The following HMGN1 variants were observed in gnomAD, a reference collection of about 807,000 sequenced individuals.
The protein encoded by HMGN1 is high mobility group nucleosome binding domain 1.
Under a neutral mutation model 18.4 loss-of-function variants are expected in HMGN1, and 9 were observed. That is an observed-to-expected ratio of 0.49 (90% CI 0.29 to 0.85). The LOEUF (loss-of-function observed/expected upper bound fraction) is 0.85, where lower values mean the gene tolerates loss of function less well. Ranked by LOEUF, HMGN1 falls within the 40% of genes least tolerant of loss-of-function variation. The probability of loss-of-function intolerance (pLI) is 0.07; values close to 1 mark genes in which losing one functional copy is unlikely to be tolerated. For missense variants in HMGN1, 151 were observed against 119.2 expected, an observed-to-expected ratio of 1.27 and a Z score of -1.24; for synonymous variants, 59 against 45.0, an observed-to-expected ratio of 1.31 and a Z score of -1.24.
At chr21:39,347,591 T>C (rs1362873959) in intron 4 of HMGN1, 1 of 459,486 alleles carries the variant, frequency 2.2e-6, no homozygotes, top group Non-Finnish European at 4.3e-6. Flanking sequence ...GAAGAACATG[T>C]AGAGCTTTAC....
Position 39,342,394 on chromosome 21 carries a change from G to GAAA in HMGN1, c.*715_*717dup, listed in dbSNP as rs1569001101. ...GTACACAAATCTTAACATACGTAAC[G>GAAA]AAATTCTAAAAAGCCATGTATTGTA... is the stretch of plus-strand genomic sequence containing the variant. On this transcript the variant is annotated 3_prime_UTR_variant, in exon 6 of 6. Coordinates refer to ENST00000380749, the MANE Select transcript of HMGN1 (RefSeq NM_004965.7). The GAAA allele has an allele frequency of 5.7e-6, 1 of 176,988 alleles. No individual in the cohort carries two copies. Among genetic ancestry groups the GAAA allele is most frequent in the Non-Finnish European group, 1.2e-5 (1 of 82,634 alleles). The allele number at this position is 176,988 out of a possible 1,614,324, so 11.0% of individuals were successfully genotyped here. A position where few individuals can be genotyped will look rare whatever the true frequency, so the allele number is the denominator to read the frequency against.
chr21:39,345,852 A>G (rs943795591), intron 4 of HMGN1: 2 of 1,302,832 alleles, frequency 1.5e-6, no homozygotes, highest in South Asian at 1.2e-5. Context: ...ACCATGCCGT[A>G]CGGTCAGGTT....
At chr21:39,346,335 T>C (rs1310259578) in intron 4 of HMGN1, 1 of 191,134 alleles carries the variant, frequency 5.2e-6, no homozygotes, top group Non-Finnish European at 1.1e-5. Context: ...TAACAAATGA[T>C]AAATGTATTT....
At chr21:39,348,720 C>A (rs1372844029) in intron 1 of HMGN1, 143 bp from the exon 2 acceptor site, 61 of 1,163,972 alleles carry the variant, frequency 5.2e-5, no homozygotes, top group Non-Finnish European at 7.0e-5. Context: ...CTCCCCCGGC[C>A]GCCAAACGTT....
At chr21:39,348,744 C>T (rs2037160865) in intron 1 of HMGN1, 159 bp downstream of exon 1, 2 of 1,092,152 alleles carry the variant, frequency 1.8e-6, no homozygotes, top group African/African-American at 1.7e-5. Context: ...GAACGCCCGC[C>T]CCCGCGGCCG....
At chr21:39,347,588 A>G in intron 4 of HMGN1, 1 of 460,952 alleles carries the variant, frequency 2.2e-6, no homozygotes, top group South Asian at 1.6e-5. Context: ...CGCGAAGAAC[A>G]TGTAGAGCTT....
chr21:39,345,978 A>G, intron 4 of HMGN1: 2 of 1,291,738 alleles, frequency 1.5e-6, no homozygotes, highest in South Asian at 1.2e-5. Context: ...ACAGGTATTA[A>G]TATGACCATA....
In HMGN1 at chr21:39,347,971, G is replaced by T. The variant is rs1166197309; in HGVS notation, c.126+321C>A. 5 of 1,217,480 alleles carry T rather than the reference G, an allele frequency of 4.1e-6. No individual in the cohort carries two copies. In the South Asian group the frequency reaches 6.5e-5, roughly 16 times the overall value. 75.4% of individuals were successfully genotyped at this position (1,217,480 alleles called of 1,614,324 possible). A position where few individuals can be genotyped will look rare whatever the true frequency, so the allele number is the denominator to read the frequency against. On this transcript the variant is annotated intron_variant, in intron 4 of 5. Transcript: ENST00000380749. ...CTTGACTCTTTTATTGTCAAAAAAG[G>T]AAGTACAAGCACGAATTAAAAGCCA...
At chr21:39,344,061 CCTGG>C (rs2036955298) in intron 5 of HMGN1, among the ~76,000 whole-genome samples, 1 of 152,060 alleles carries the variant, frequency 6.6e-6, no homozygotes, top group Non-Finnish European at 1.5e-5. Flanking sequence ...TTGAAACCAG[CCTGG>C]CTAACACGGC....
At chr21:39,345,109 T>TCA (rs3067492) in intron 5 of HMGN1, 37 bp downstream of exon 5, 17,903 of 1,407,402 alleles carry the variant, frequency 0.013, 107 homozygotes, top group East Asian at 0.1. Flanking sequence ...GTCAAAGCAA[T>TCA]CACACACACA....
At chr21:39,344,538 C>A (rs936276124) in intron 5 of HMGN1, 5 of 152,014 alleles carry the variant, frequency 3.3e-5, no homozygotes, top group Non-Finnish European at 7.3e-5. Context: ...AGCTTCCAGG[C>A]TAGAGGAGTG....
At position 39,348,927 on chromosome 21, in the gene HMGN1, G is replaced by T; in HGVS notation, c.-10C>A. Reference sequence around the variant, plus strand: ...CCTTCCTCTTGGGCATCGTGGCGGCGGGGAAGGCGCGTGCCGGGTGCCTGC... The same window carrying T: ...CCTTCCTCTTGGGCATCGTGGCGGCTGGGAAGGCGCGTGCCGGGTGCCTGC... On this transcript the variant is annotated 5_prime_UTR_variant, in exon 1 of 6. Transcript: ENST00000380749. 8.4e-7 allele frequency: 1 copy of T among 1,193,426 alleles called. No homozygotes were observed. Among genetic ancestry groups the T allele is most frequent in the Non-Finnish European group, 1.0e-6 (1 of 963,676 alleles). 73.9% of individuals were successfully genotyped at this position (1,193,426 alleles called of 1,614,324 possible). A position where few individuals can be genotyped will look rare whatever the true frequency, so the allele number is the denominator to read the frequency against.
At chr21:39,348,181 A>G (rs2037127722) in intron 4 of HMGN1, 111 bp downstream of exon 4, 2 of 1,363,848 alleles carry the variant, frequency 1.5e-6, no homozygotes, top group East Asian at 2.3e-5. Flanking sequence ...ATTTACCGTA[A>G]TTATTAAAGT....
chr21:39,348,887 C>T lies in HMGN1; in HGVS notation c.15+16G>A, dbSNP rs1038735164. ...GCGGCTCCAGGGGGCGTGTGCGGGC[C>T]GCGGCCGCCGCTCACCTTCCTCTTG... On this transcript the variant is annotated intron_variant, in intron 1 of 5. Coordinates refer to ENST00000380749, the MANE Select transcript of HMGN1 (RefSeq NM_004965.7). 18 of 1,144,988 alleles carry T rather than the reference C, an allele frequency of 1.6e-5. No homozygotes were observed. The Admixed American group carries it at 6.8e-4, about 43-fold the overall frequency. 70.9% of individuals were successfully genotyped at this position (1,144,988 alleles called of 1,614,324 possible). A position where few individuals can be genotyped will look rare whatever the true frequency, so the allele number is the denominator to read the frequency against.
At chr21:39,347,974 G>A (rs1418151163) in intron 4 of HMGN1, 1 of 1,213,572 alleles carries the variant, frequency 8.2e-7, no homozygotes, top group Non-Finnish European at 1.0e-6. Context: ...AAAAAAGGAA[G>A]TACAAGCACG....
intron 4 of HMGN1, chr21:39,347,257 G>A: frequency 1.3e-6 from 1 of 782,694 alleles, no homozygotes; most frequent in Non-Finnish European, 1.7e-6. Context: ...CTTCCGTGAA[G>A]CTTTATTTTT....
intron 4 of HMGN1, chr21:39,345,908 C>G (rs764405396): frequency 7.7e-7 from 1 of 1,301,674 alleles, no homozygotes; most frequent in Non-Finnish European, 1.0e-6. Flanking sequence ...TAATGAGGAA[C>G]TAAAAGGATC....
chr21:39,345,988 A>C, intron 4 of HMGN1: 2 of 1,280,230 alleles, frequency 1.6e-6, no homozygotes, highest in Non-Finnish European at 2.1e-6. Flanking sequence ...ATATGACCAT[A>C]CTAACTTGAT....
At chr21:39,348,754 G>A in intron 1 of HMGN1, 149 bp downstream of exon 1, 8 of 1,077,966 alleles carry the variant, frequency 7.4e-6, no homozygotes, top group Non-Finnish European at 9.8e-6. Flanking sequence ...CCCCGCGGCC[G>A]CCGAGCGCTC....
Sources: gnomAD v4.1 joint callset for allele counts (sites outside exome capture counted in the v4.1 genomes callset) on GRCh38, gnomAD v4.1.1 for gene constraint, MANE v1.5 for transcripts, NCBI Gene and HGNC (gene_info 2026-07-23, HGNC 2026-07-21) for gene names.